ACACA: variants seen among roughly 807,000 people sequenced by gnomAD.
The protein encoded by ACACA is acetyl-CoA carboxylase alpha.
In ACACA, 103 loss-of-function variants were observed where a neutral mutation model predicts 296.1. That is an observed-to-expected ratio of 0.35 (90% CI 0.30 to 0.41). ACACA has a LOEUF of 0.41. Among genes scored for constraint, ACACA ranks in the 10% least tolerant of loss-of-function variants. ACACA has a pLI of 1.00. For missense variants in ACACA, 1,554 were observed against 2,989.7 expected (o/e 0.52, Z 11.20); for synonymous variants, 953 against 1,038.6 (o/e 0.92, Z 1.58).
chr17:37,261,990 A>G (rs530543134), intron 11 of ACACA, among the ~76,000 whole-genome samples: 36 of 152,198 alleles, frequency 2.4e-4, no homozygotes, highest in African/African-American at 8.7e-4. Flanking sequence ...TATACATCAT[A>G]TAGAGATCCG....
At chr17:37,247,440 T>C (rs1203664945) in intron 18 of ACACA, among the ~76,000 whole-genome samples, 3 of 151,036 alleles carry the variant, frequency 2.0e-5, no homozygotes, top group Non-Finnish European at 4.4e-5. Flanking sequence ...TGATCTCGGC[T>C]CACCGCAACC....
chr17:37,224,643 ATGTG>A (rs149864623), intron 27 of ACACA, among the ~76,000 whole-genome samples: 7 of 151,888 alleles, frequency 4.6e-5, no homozygotes, highest in African/African-American at 1.7e-4. Flanking sequence ...CATCAGAGAA[ATGTG>A]TGTGTGTATA....
Position 37,087,078 on chromosome 17 carries a change from C to G in ACACA, c.*238G>C. The G allele has an allele frequency of 1.6e-6, 1 of 613,392 alleles. No homozygotes were observed. The highest frequency in any genetic ancestry group is 2.9e-6 in the Non-Finnish European group (1 of 344,104). 38.0% of individuals were successfully genotyped at this position (613,392 alleles called of 1,614,324 possible). The stretch of plus-strand genomic sequence containing the variant: ...TCAGTCCTGTGCAGGGAGTGGAGGA[C>G]TAGGCCTGGCCAGGGTAATAAATAC... On this transcript the variant is annotated 3_prime_UTR_variant, in exon 56 of 56. Coordinates refer to ENST00000616317, the MANE Select transcript of ACACA (RefSeq NM_198834.3).
chr17:37,243,144 T>C (rs1418120849), intron 22 of ACACA, among the ~76,000 whole-genome samples: 1 of 152,224 alleles, frequency 6.6e-6, no homozygotes, highest in Non-Finnish European at 1.5e-5. Flanking sequence ...CTATAAGGTA[T>C]ACATGATCCA....
In ACACA at chr17:37,087,343, G is replaced by A. The variant is rs768255534; in HGVS notation, c.7125C>T (p.Leu2375=). 1 of 1,614,194 alleles carries A rather than the reference G, an allele frequency of 6.2e-7. No homozygotes were observed. The highest frequency in any genetic ancestry group is 8.5e-7 in the Non-Finnish European group (1 of 1,180,032). Residue 2375 remains leucine, a synonymous_variant, in exon 56 of 56, where the codon CTC becomes CTT. Transcript: ENST00000616317. ...ACGTGGAAGGGGAATCCATTGTGGA[G>A]AGGATCCGTATGACTTCTGCTCGCT... ...PTQRAEVIRI[L]STMDSPST
intron 1 of ACACA, among the ~76,000 whole-genome samples, chr17:37,363,723 C>G (rs1385454669): frequency 6.6e-6 from 1 of 150,962 alleles, no homozygotes; most frequent in Non-Finnish European, 1.5e-5. Flanking sequence ...TGGTGGCTCA[C>G]GCCTGTAATC....
intron 1 of ACACA, chr17:37,379,337 A>T: frequency 6.2e-7 from 1 of 1,613,932 alleles, no homozygotes; most frequent in Non-Finnish European, 8.5e-7. Context: ...CTGTCACCTA[A>T]TCCCCACATC....
intron 39 of ACACA, among the ~76,000 whole-genome samples, chr17:37,185,119 T>G (rs888924026): frequency 6.6e-6 from 1 of 152,226 alleles, no homozygotes; most frequent in African/African-American, 2.4e-5. Flanking sequence ...TGCAGTGATG[T>G]ATCTACCACA....
At chr17:37,297,362 A>T (rs907881576) in intron 3 of ACACA, among the ~76,000 whole-genome samples, 1 of 147,762 alleles carries the variant, frequency 6.8e-6, no homozygotes, top group Non-Finnish European at 1.5e-5. Flanking sequence ...AATCGCTTGA[A>T]CCCGGGAGGC....
At chr17:37,244,396 A>C (rs2080586423) in intron 21 of ACACA, among the ~76,000 whole-genome samples, 192 bp downstream of exon 21, 1 of 151,986 alleles carries the variant, frequency 6.6e-6, no homozygotes, top group South Asian at 2.1e-4. Context: ...AATCACAATT[A>C]AATGTGAAGT....
chr17:37,090,344 C>T (rs1251509154), intron 54 of ACACA, among the ~76,000 whole-genome samples: 2 of 152,146 alleles, frequency 1.3e-5, no homozygotes, highest in Non-Finnish European at 2.9e-5. Flanking sequence ...GTCATTTCAT[C>T]GACGTCTCTG....
At chr17:37,186,420 T>C (rs957992383) in intron 39 of ACACA, among the ~76,000 whole-genome samples, 1 of 152,208 alleles carries the variant, frequency 6.6e-6, no homozygotes, top group Non-Finnish European at 1.5e-5. Flanking sequence ...CCTGACATAC[T>C]ATAAGTAGTC....
At chr17:37,171,147 A>G (rs147681958) in intron 41 of ACACA, among the ~76,000 whole-genome samples, 3 of 152,306 alleles carry the variant, frequency 2.0e-5, no homozygotes, top group Non-Finnish European at 2.9e-5. Context: ...AAGCCTTGCT[A>G]TATTCATGCT....
intron 27 of ACACA, among the ~76,000 whole-genome samples, chr17:37,224,247 T>G (rs1283950199): frequency 6.6e-6 from 1 of 152,136 alleles, no homozygotes; most frequent in Non-Finnish European, 1.5e-5. Context: ...TCCACTATGG[T>G]AAACCCTAGA....
intron 2 of ACACA, among the ~76,000 whole-genome samples, chr17:37,334,664 C>T (rs573234705): frequency 2.0e-4 from 30 of 151,984 alleles, no homozygotes; most frequent in Non-Finnish European, 3.4e-4. Context: ...ATCGTAAATC[C>T]CCTGGCCCTC....
chr17:37,245,765 T>A (rs2080667393), intron 19 of ACACA, among the ~76,000 whole-genome samples: 1 of 152,136 alleles, frequency 6.6e-6, no homozygotes, highest in African/African-American at 2.4e-5. Context: ...CGAAAAGCAA[T>A]CTTCCTAGAC....
chr17:37,260,337 T>C (rs2081454748), intron 11 of ACACA, among the ~76,000 whole-genome samples: 1 of 128,112 alleles, frequency 7.8e-6, no homozygotes, highest in African/African-American at 3.0e-5. Flanking sequence ...TCTCGCTTTG[T>C]CACCCACCCA....
At chr17:37,123,578 C>T (rs946375308) in intron 48 of ACACA, among the ~76,000 whole-genome samples, 1 of 152,114 alleles carries the variant, frequency 6.6e-6, no homozygotes, top group Non-Finnish European at 1.5e-5. Flanking sequence ...CCATAACAAA[C>T]TTTTCCATGA....
At chr17:37,100,837 C>A (rs554190075) in intron 52 of ACACA, among the ~76,000 whole-genome samples, 1 of 152,248 alleles carries the variant, frequency 6.6e-6, no homozygotes, top group African/African-American at 2.4e-5. Flanking sequence ...TGGCTCACAC[C>A]TGTAATCCCA....
Sources: gnomAD v4.1 joint callset for allele counts (sites outside exome capture counted in the v4.1 genomes callset) on GRCh38, gnomAD v4.1.1 for gene constraint, MANE v1.5 for transcripts, NCBI Gene and HGNC (gene_info 2026-07-23, HGNC 2026-07-21) for gene names.